The following PTK2 variants were observed in gnomAD, a reference collection of about 807,000 sequenced individuals.
PTK2 encodes protein tyrosine kinase 2.
A neutral mutation model predicts 150.1 loss-of-function variants in PTK2; 45 were observed. The ratio of observed to expected loss-of-function variants is 0.30; its 90% confidence interval spans 0.24 to 0.38. The LOEUF (loss-of-function observed/expected upper bound fraction) is 0.38. Among genes scored for constraint, PTK2 ranks in the 10% least tolerant of loss-of-function variants. PTK2 has a pLI of 1.00. For missense variants in PTK2, 919 were observed against 1,307.3 expected (o/e 0.70, Z 4.58); for synonymous variants, 432 against 449.2 (o/e 0.96, Z 0.48).
chr8:140,753,024 G>A (rs985334063), intron 16 of PTK2, among the ~76,000 whole-genome samples: 1 of 152,230 alleles, frequency 6.6e-6, no homozygotes, highest in African/African-American at 2.4e-5. Flanking sequence ...GTGAAATGGA[G>A]AGCCAAGGTA....
At chr8:140,764,314 T>C in intron 14 of PTK2, 24 bp from the exon 17 acceptor site, 1 of 1,572,218 alleles carries the variant, frequency 6.4e-7, no homozygotes. Context: ...AACAGATATG[T>C]TGAAAGAGGT....
chr8:140,862,511 A>T (rs1203214689), intron 5 of PTK2, among the ~76,000 whole-genome samples: 1 of 152,134 alleles, frequency 6.6e-6, no homozygotes, highest in Non-Finnish European at 1.5e-5. Context: ...TCCCTTTCAT[A>T]TTCAACTCTG....
chr8:140,730,962 C>A (rs572713350), intron 22 of PTK2, among the ~76,000 whole-genome samples: 2 of 142,490 alleles, frequency 1.4e-5, no homozygotes, highest in African/African-American at 2.5e-5. Context: ...AACCCCCCCC[C>A]CCCTTTTTTT....
intron 23 of PTK2, among the ~76,000 whole-genome samples, chr8:140,716,644 T>C (rs989483515): frequency 2.6e-5 from 4 of 152,228 alleles, no homozygotes; most frequent in Non-Finnish European, 4.4e-5. Flanking sequence ...TTTTCAGCCT[T>C]CAAGATAAAA....
chr8:140,991,101 C>G (rs2100195548), intron 1 of PTK2, among the ~76,000 whole-genome samples: 1 of 152,200 alleles, frequency 6.6e-6, no homozygotes, highest in Non-Finnish European at 1.5e-5. Flanking sequence ...CAACTTCATC[C>G]TTGTGGACTG....
chr8:140,893,311 A>G (rs1171039708), intron 2 of PTK2, among the ~76,000 whole-genome samples: 2 of 152,200 alleles, frequency 1.3e-5, no homozygotes, highest in African/African-American at 2.4e-5. Flanking sequence ...ACCCTGACAT[A>G]AAACAAAATG....
At chr8:140,759,530 TAAAAAAAA>T (rs761643170) in intron 16 of PTK2, among the ~76,000 whole-genome samples, 4 of 58,064 alleles carry the variant, frequency 6.9e-5, no homozygotes, top group African/African-American at 1.6e-4. Context: ...GACCCTGTCC[TAAAAAAAA>T]AAAAAAAAAA....
chr8:140,730,214 A>G (rs1310898239), intron 22 of PTK2, among the ~76,000 whole-genome samples: 1 of 152,224 alleles, frequency 6.6e-6, no homozygotes, highest in African/African-American at 2.4e-5. Context: ...ATCTGTTTAC[A>G]CAACACTTAC....
In PTK2 at chr8:140,890,786, A is replaced by G. The variant is rs755489832; in HGVS notation, c.-32-17T>C. On this transcript the variant is annotated splice_polypyrimidine_tract_variant and intron_variant, in intron 2 of 31. Coordinates refer to ENST00000522684, the Ensembl canonical transcript of PTK2. The stretch of plus-strand genomic sequence containing the variant: ...TGTCATATTCTGTTAAAAGAACAAA[A>G]TAATTTTTTGTGTATAATACTTGAA... The G allele has an allele frequency of 6.2e-7, 1 of 1,605,590 alleles. No individual in the cohort carries two copies. The highest frequency in any genetic ancestry group is 1.7e-5 in the Admixed American group (1 of 59,912).
At chr8:140,975,555 T>C (rs146631120) in intron 1 of PTK2, among the ~76,000 whole-genome samples, 1 of 152,244 alleles carries the variant, frequency 6.6e-6, no homozygotes, top group African/African-American at 2.4e-5. Context: ...AGTTTTTACA[T>C]GGTTCCTGGA....
intron 1 of PTK2, among the ~76,000 whole-genome samples, chr8:140,989,675 G>A (rs1329051684): frequency 6.6e-6 from 1 of 152,022 alleles, no homozygotes; most frequent in African/African-American, 2.4e-5. Context: ...TTGGGAGGCC[G>A]AGGCGGGCGG....
At chr8:140,679,899 T>C (rs2100016078) in intron 27 of PTK2, among the ~76,000 whole-genome samples, 1 of 152,036 alleles carries the variant, frequency 6.6e-6, no homozygotes, top group Non-Finnish European at 1.5e-5. Flanking sequence ...AAAACCAAAT[T>C]ATCATCTTTA....
chr8:140,779,210 C>T (rs2100080226), intron 14 of PTK2, among the ~76,000 whole-genome samples: 2 of 144,980 alleles, frequency 1.4e-5, no homozygotes, highest in Admixed American at 1.4e-4. Context: ...TGCAGTGAGC[C>T]GAAATCCCAC....
At chr8:140,675,527 GCACTGGTATATA>G in intron 27 of PTK2, 28 bp from the exon 31 acceptor site, 1 of 1,552,426 alleles carries the variant, frequency 6.4e-7, no homozygotes, top group Non-Finnish European at 8.9e-7. Context: ...TTCAGTCAAT[GCACTGGTATATA>G]CACTTGGGCA....
At chr8:140,759,742 G>A (rs759933835) in intron 16 of PTK2, among the ~76,000 whole-genome samples, 17 of 151,902 alleles carry the variant, frequency 1.1e-4, no homozygotes, top group Middle Eastern at 6.8e-3. Flanking sequence ...TGTAGTCCTA[G>A]TTACGAGGGA....
intron 14 of PTK2, among the ~76,000 whole-genome samples, chr8:140,775,122 G>A (rs1214224409): frequency 6.6e-6 from 1 of 152,082 alleles, no homozygotes; most frequent in Non-Finnish European, 1.5e-5. Flanking sequence ...CCCTCTCTTG[G>A]GGTCTGGATC....
chr8:140,756,269 T>C (rs373384179), intron 16 of PTK2, among the ~76,000 whole-genome samples: 10 of 143,218 alleles, frequency 7.0e-5, no homozygotes, highest in South Asian at 2.3e-4. Context: ...GTTGCAGTGA[T>C]TGGAGATCAC....
intron 27 of PTK2, among the ~76,000 whole-genome samples, chr8:140,682,598 C>A (rs1400829428): frequency 6.6e-6 from 1 of 150,864 alleles, no homozygotes; most frequent in African/African-American, 2.4e-5. Flanking sequence ...CTAAAATAAA[C>A]CACACAATTG....
intron 2 of PTK2, chr8:140,921,172 C>G (rs1299514048): frequency 3.4e-6 from 4 of 1,163,738 alleles, no homozygotes; most frequent in Non-Finnish European, 3.2e-6. Flanking sequence ...AGCTACTGAA[C>G]AGAATGAAAC....
Sources: gnomAD v4.1 joint callset for allele counts (sites outside exome capture counted in the v4.1 genomes callset) on GRCh38, gnomAD v4.1.1 for gene constraint, MANE v1.5 for transcripts, NCBI Gene and HGNC (gene_info 2026-07-23, HGNC 2026-07-21) for gene names.